C11orf65: variants seen among roughly 807,000 people sequenced by gnomAD.
C11orf65 encodes the protein protein MFI.
Under a neutral mutation model 35.3 loss-of-function variants are expected in C11orf65, and 38 were observed. The observed-to-expected ratio is 1.08, with a 90% CI of 0.83 to 1.41. The LOEUF is 1.41. Among genes scored for constraint, C11orf65 ranks in the 40% most tolerant of loss-of-function variants. The probability of loss-of-function intolerance (pLI) is 0.00; values close to 1 mark genes in which losing one functional copy is unlikely to be tolerated. For missense variants in C11orf65, 370 were observed against 367.1 expected (o/e 1.01, Z -0.06); for synonymous variants, 105 against 114.4 (o/e 0.92, Z 0.53).
intron 2 of C11orf65, among the ~76,000 whole-genome samples, chr11:108,359,680 C>G (rs1443661187): frequency 1.3e-5 from 2 of 152,134 alleles, no homozygotes; most frequent in Non-Finnish European, 2.9e-5. Flanking sequence ...ACCAAACAAC[C>G]TGCTCCTGAA....
exon 4 of C11orf65, chr11:108,331,519 A>G (rs777125155): frequency 1.2e-6 from 2 of 1,613,436 alleles, no homozygotes; most frequent in Non-Finnish European, 1.7e-6. Context: ...GGGGACCAAG[A>G]TGATGGGAGG....
intron 3 of C11orf65, among the ~76,000 whole-genome samples, chr11:108,425,751 A>G (rs1182961119): frequency 6.6e-6 from 1 of 152,210 alleles, no homozygotes. Context: ...ATCCTCCATA[A>G]AATACTGGCA....
intron 2 of C11orf65, among the ~76,000 whole-genome samples, chr11:108,458,028 C>T (rs1199276814): frequency 6.6e-6 from 1 of 152,068 alleles, no homozygotes; most frequent in African/African-American, 2.4e-5. Context: ...TTTCTAACCT[C>T]TTTTTTCTAA....
In C11orf65 at chr11:108,408,537, G is replaced by A. The variant is rs555928582; in HGVS notation, c.175-1388C>T. On this transcript the variant is annotated intron_variant, in intron 3 of 8. Coordinates refer to ENST00000393084, the MANE Select transcript of C11orf65 (RefSeq NM_152587.5). Reference sequence around the variant, plus strand: ...CTAAAAATACAAAAATTAGCTGGGTGTGGTGTCGGATGCCTGTAATTCCAG... The same window carrying A: ...CTAAAAATACAAAAATTAGCTGGGTATGGTGTCGGATGCCTGTAATTCCAG... 3.1e-3 allele frequency among the ~76,000 whole-genome samples: 467 copies of A among 151,666 alleles called. 5 individuals carry two copies. The highest frequency in any genetic ancestry group is 0.011 in the African/African-American group (455 of 41,344).
intron 6 of C11orf65, among the ~76,000 whole-genome samples, chr11:108,322,907 G>A (rs1658085658): frequency 6.6e-6 from 1 of 151,674 alleles, no homozygotes; most frequent in Non-Finnish European, 1.5e-5. Context: ...TGGAAGAGTT[G>A]TGTAAGGGCA....
intron 6 of C11orf65, chr11:108,326,332 T>A: frequency 7.2e-7 from 1 of 1,380,588 alleles, no homozygotes; most frequent in Non-Finnish European, 9.8e-7. Context: ...TTGAAATTAG[T>A]AATTTATTAA....
chr11:108,462,212 T>C (rs2093481239), intron 1 of C11orf65, among the ~76,000 whole-genome samples: 1 of 151,954 alleles, frequency 6.6e-6, no homozygotes, highest in African/African-American at 2.4e-5. Context: ...CCTAGCTAAT[T>C]TTTAAAATTT....
In C11orf65 at chr11:108,334,709, G is replaced by C. The variant is rs4988134; in HGVS notation, c.299+511C>G. On this transcript the variant is annotated intron_variant, in intron 3 of 3. Transcript: ENST00000524755. ...TATAACCCAGAAAACTCCTTCTACT[G>C]TTTTCCAAAATTTACTTTATGTTTT... 0.011 allele frequency among the ~76,000 whole-genome samples: 1,684 copies of C among 152,134 alleles called. 36 individuals are homozygous for C. The highest frequency in any genetic ancestry group is 0.038 in the African/African-American group (1,584 of 41,498).
intron 2 of C11orf65, among the ~76,000 whole-genome samples, chr11:108,451,120 C>G (rs2093342208): frequency 6.6e-6 from 1 of 151,976 alleles, no homozygotes; most frequent in African/African-American, 2.4e-5. Flanking sequence ...CCCTCTCTCA[C>G]CACTCCTATT....
Position 108,447,478 on chromosome 11 carries a change from T to C in C11orf65, c.81+14001A>G, listed in dbSNP as rs547971503. ...TCAAACTAGAACTCAGGATTAAGAA[T>C]CTCACTCAAAACCGCTCAACTACAT... On this transcript the variant is annotated intron_variant, in intron 2 of 8. Transcript: ENST00000393084. Among the ~76,000 whole-genome samples the C allele has an allele frequency of 3.9e-5, 6 of 152,054 alleles. No individual in the cohort carries two copies. In the East Asian group the frequency reaches 1.2e-3, roughly 29 times the overall value.
exon 7 of C11orf65, chr11:108,308,937 A>T: frequency 1.6e-6 from 2 of 1,280,512 alleles, no homozygotes; most frequent in Non-Finnish European, 2.2e-6. Flanking sequence ...TGGTGTTGGG[A>T]GGCAGTTTTA....
chr11:108,444,967 T>A (rs947826798), intron 2 of C11orf65, among the ~76,000 whole-genome samples: 1 of 152,168 alleles, frequency 6.6e-6, no homozygotes, highest in Non-Finnish European at 1.5e-5. Context: ...ATCCCACACA[T>A]GGCTCGGAGG....
chr11:108,356,219 A>AT (rs1430179731), intron 2 of C11orf65: 1 of 152,126 alleles, frequency 6.6e-6, no homozygotes, highest in African/African-American at 2.4e-5. Context: ...CTCTAAAGTT[A>AT]TATTATCTTG....
At position 108,408,353 on chromosome 11, in the gene C11orf65, T is replaced by A. The variant is rs908676548; in HGVS notation, c.175-1204A>T. 4.6e-5 allele frequency among the ~76,000 whole-genome samples: 7 copies of A among 152,054 alleles called. No individual in the cohort carries two copies. In the South Asian group the frequency reaches 1.0e-3, roughly 23 times the overall value. Reference sequence around the variant, plus strand: ...TCAACAGTAGATGACCTTTCCTAATTAGCTATTGTTAAATTTAAAAATCCA... The same window carrying A: ...TCAACAGTAGATGACCTTTCCTAATAAGCTATTGTTAAATTTAAAAATCCA... On this transcript the variant is annotated intron_variant, in intron 3 of 8. Coordinates refer to ENST00000393084, the MANE Select transcript of C11orf65 (RefSeq NM_152587.5).
chr11:108,415,933 T>A (rs2092724377), intron 3 of C11orf65, among the ~76,000 whole-genome samples: 1 of 151,714 alleles, frequency 6.6e-6, no homozygotes. Flanking sequence ...AAAAAAAAAA[T>A]CTAGACAAAG....
chr11:108,423,459 G>C (rs1357822315), intron 3 of C11orf65, among the ~76,000 whole-genome samples: 1 of 152,186 alleles, frequency 6.6e-6, no homozygotes, highest in Non-Finnish European at 1.5e-5. Flanking sequence ...AGCACCTGGG[G>C]GAAGGGGTGG....
chr11:108,371,457 G>A (rs2091573874), intron 2 of C11orf65, among the ~76,000 whole-genome samples: 1 of 152,138 alleles, frequency 6.6e-6, no homozygotes, highest in Non-Finnish European at 1.5e-5. Context: ...TCAAGGTACT[G>A]TACCTTTTAT....
intron 2 of C11orf65, among the ~76,000 whole-genome samples, chr11:108,441,641 G>C (rs1054010322): frequency 6.6e-6 from 1 of 152,234 alleles, no homozygotes; most frequent in African/African-American, 2.4e-5. Flanking sequence ...GGAAGGATTA[G>C]GCAGCAACAA....
chr11:108,324,178 C>T (rs7116971), intron 6 of C11orf65, among the ~76,000 whole-genome samples: 1,668 of 152,146 alleles, frequency 0.011, 37 homozygotes, highest in African/African-American at 0.038. Context: ...TACACGTAAT[C>T]TAGAGGTTAT....
Sources: gnomAD v4.1 joint callset for allele counts (sites outside exome capture counted in the v4.1 genomes callset) on GRCh38, gnomAD v4.1.1 for gene constraint, MANE v1.5 for transcripts, NCBI Gene and HGNC (gene_info 2026-07-23, HGNC 2026-07-21) for gene names.